The following GATM variants were observed in gnomAD, a reference collection of about 807,000 sequenced individuals.
GATM encodes glycine amidinotransferase, mitochondrial.
Under a neutral mutation model 54.2 loss-of-function variants are expected in GATM, and 23 were observed. That is an observed-to-expected ratio of 0.42 (90% CI 0.31 to 0.60). The LOEUF is 0.60. Ranked by LOEUF, GATM falls within the 20% of genes least tolerant of loss-of-function variation. The probability of loss-of-function intolerance (pLI) is 0.14; values close to 1 mark genes in which losing one functional copy is unlikely to be tolerated. For missense variants in GATM, 401 were observed against 544.9 expected (o/e 0.74, Z 2.63); for synonymous variants, 168 against 183.1 (o/e 0.92, Z 0.67).
At chr15:45,387,169 G>A (rs548560515) in intron 3 of GATM, among the ~76,000 whole-genome samples, 1 of 152,272 alleles carries the variant, frequency 6.6e-6, no homozygotes, top group East Asian at 1.9e-4. Context: ...TGCCTTTTCT[G>A]GAAAGTTATG....
At chr15:45,373,871 T>A (rs2097547230) in intron 2 of GATM, among the ~76,000 whole-genome samples, 1 of 152,024 alleles carries the variant, frequency 6.6e-6, no homozygotes, top group Non-Finnish European at 1.5e-5. Context: ...CTGTCTAGAA[T>A]CAAAGAGAGA....
chr15:45,395,728 C>T (rs985826529), intron 3 of GATM, among the ~76,000 whole-genome samples: 2 of 152,068 alleles, frequency 1.3e-5, no homozygotes, highest in South Asian at 2.1e-4. Flanking sequence ...AAATGAATGT[C>T]CTGGAGTAAA....
Position 45,369,391 on chromosome 15 carries a change from G to C in GATM, c.419C>G (p.Thr140Arg), listed in dbSNP as rs776302905. ...GTCAATGGGGTCAGGCCTCCTTACTGTCACTCCTTCCGTTTTTAAAATATT... is the reference window on the plus strand; with the variant it reads ...GTCAATGGGGTCAGGCCTCCTTACTCTCACTCCTTCCGTTTTTAAAATATT... ...MCNILKTEGV[T>R]VRRPDPIDWS... Residue 140 changes from threonine to arginine, a missense_variant, in exon 3 of 9, where the codon ACA becomes AGA. Coordinates refer to ENST00000396659, the MANE Select transcript of GATM (RefSeq NM_001482.3). The C allele has an allele frequency of 1.2e-6, 2 of 1,614,086 alleles. No individual in the cohort carries two copies. The highest frequency in any genetic ancestry group is 8.5e-7 in the Non-Finnish European group (1 of 1,179,996).
In GATM at chr15:45,368,312, CA is replaced by C. The variant is rs754755029; in HGVS notation, c.485-53del. 1.9e-6 allele frequency: 3 copies of C among 1,546,162 alleles called. No individual in the cohort carries two copies. Among genetic ancestry groups the C allele is most frequent in the Non-Finnish European group, 2.7e-6 (3 of 1,124,036 alleles). On this transcript the variant is annotated intron_variant, in intron 3 of 8. Coordinates refer to ENST00000396659, the MANE Select transcript of GATM (RefSeq NM_001482.3). This position sits in a 1 kb window ranked among gnomAD's most constrained non-coding sequence, Gnocchi z 5.1. ...ACTTCAGTAGTGTTAATTTCCAAGA[CA>C]AAAAAGGTCTATATAGGGCCAGGCA...
chr15:45,366,381 T>C lies in GATM; in HGVS notation c.803A>G (p.Gln268Arg). 1.2e-6 allele frequency: 2 copies of C among 1,614,218 alleles called. No homozygotes were observed. Among genetic ancestry groups the C allele is most frequent in the South Asian group, 1.1e-5 (1 of 91,090 alleles). ...GCAGCCTGCGTTCACCTGGCTTCTC[T>C]GTGCAAAAATATCTCTTCCAGCTCG... ...FIRAGRDIFA[Q>R]RSQVTNYLGI... The change falls in exon 5 of 9, where the codon CAG (glutamine) becomes CGG (arginine). Residue 268 changes from glutamine to arginine, a missense_variant. By Grantham distance (43) the Gln-to-Arg change is conservative. This residue lies in a region of GATM where 321 missense variants were observed against 457.5 expected (regional missense o/e 0.70). Transcript: ENST00000396659.
intron 3 of GATM, among the ~76,000 whole-genome samples, chr15:45,394,518 G>C (rs1169641455): frequency 6.6e-6 from 1 of 152,190 alleles, no homozygotes; most frequent in Non-Finnish European, 1.5e-5. Flanking sequence ...AGGAAGAATT[G>C]TTGAATTCTA....
chr15:45,377,611 GCT>G (rs972294698), intron 1 of GATM: 1 of 236,712 alleles, frequency 4.2e-6, no homozygotes, highest in African/African-American at 2.3e-5. Context: ...TCTCTATCCT[GCT>G]CTGTTAAAAG....
chr15:45,376,687 AAG>A lies in GATM; in HGVS notation c.200_201del (p.Ser67PhefsTer34). On this transcript the variant is annotated frameshift_variant, in exon 2 of 9. Coordinates refer to ENST00000396659, the MANE Select transcript of GATM (RefSeq NM_001482.3). LOFTEE classifies it high-confidence loss of function. ...TCTAAGGGGTCCCATTCGTTGTAAGAAGAGACAGGGCAGTCCTTGGGCAGAGG... is the reference window on the plus strand; with the variant it reads ...TCTAAGGGGTCCCATTCGTTGTAAGAAGACAGGGCAGTCCTTGGGCAGAGG... Reference protein sequence around the residue: ...TEPLPKDCPVSSYNEWDPLEE... With the variant: ...TEPLPKDCPVXSYNEWDPLEE... 1 of 1,614,214 alleles carries A rather than the reference AAG, an allele frequency of 6.2e-7. No homozygotes were observed. The highest frequency in any genetic ancestry group is 8.5e-7 in the Non-Finnish European group (1 of 1,180,040).
At chr15:45,395,186 C>T (rs1889915001) in intron 3 of GATM, among the ~76,000 whole-genome samples, 1 of 152,188 alleles carries the variant, frequency 6.6e-6, no homozygotes, top group African/African-American at 2.4e-5. Flanking sequence ...CAATCTCTAT[C>T]CTATCTGTAG....
intron 2 of GATM, 76 bp downstream of exon 2, chr15:45,376,525 G>T: frequency 8.0e-7 from 1 of 1,249,708 alleles, no homozygotes; most frequent in Non-Finnish European, 1.2e-6. Context: ...GTAAGCTGAA[G>T]GGAAAGCAGT....
At chr15:45,389,990 G>C (rs1889851494) in intron 3 of GATM, among the ~76,000 whole-genome samples, 1 of 151,990 alleles carries the variant, frequency 6.6e-6, no homozygotes, top group African/African-American at 2.4e-5. Flanking sequence ...CTCCCGAATA[G>C]CTGGGACTAC....
intron 2 of GATM, among the ~76,000 whole-genome samples, chr15:45,398,297 C>A (rs1181016344): frequency 2.6e-5 from 4 of 152,108 alleles, no homozygotes; most frequent in African/African-American, 9.7e-5. Flanking sequence ...GAACCAACAT[C>A]ATAGGGAAAA....
intron 3 of GATM, among the ~76,000 whole-genome samples, chr15:45,394,049 A>G (rs1889900842): frequency 6.6e-6 from 1 of 152,188 alleles, no homozygotes; most frequent in South Asian, 2.1e-4. Context: ...AACTCTTACA[A>G]TCAGGAGGGA....
At chr15:45,378,088 C>G in intron 1 of GATM, 1 of 355,346 alleles carries the variant, frequency 2.8e-6, no homozygotes, top group Admixed American at 5.0e-5. Context: ...AGGGGGGCGG[C>G]GCCCCCTGCG....
chr15:45,387,070 G>A (rs1209201353), intron 3 of GATM, among the ~76,000 whole-genome samples: 1 of 152,190 alleles, frequency 6.6e-6, no homozygotes, highest in African/African-American at 2.4e-5. Context: ...GAAATATTCA[G>A]CTATAAGATG....
exon 1 of GATM, chr15:45,402,154 G>C (rs1397384029): frequency 2.8e-5 from 14 of 492,880 alleles, no homozygotes; most frequent in African/African-American, 4.1e-5. Context: ...GTGAGCTTAA[G>C]CCGCCTCCCA....
chr15:45,389,039 T>C (rs1889838703), intron 3 of GATM, among the ~76,000 whole-genome samples: 1 of 152,248 alleles, frequency 6.6e-6, no homozygotes, highest in African/African-American at 2.4e-5. Flanking sequence ...ACAGTAACGT[T>C]TGGCAGATAT....
chr15:45,368,285 C>T lies in GATM; in HGVS notation c.485-25G>A. On this transcript the variant is annotated intron_variant, in intron 3 of 8. Coordinates refer to ENST00000396659, the MANE Select transcript of GATM (RefSeq NM_001482.3). This position sits in a 1 kb window ranked among gnomAD's most constrained non-coding sequence, Gnocchi z 5.1. ...CCTGTCAGACCAAAAAATTCCATGA[C>T]AACTTCAGTAGTGTTAATTTCCAAG... The T allele has an allele frequency of 6.2e-7, 1 of 1,605,850 alleles. No individual in the cohort carries two copies. The highest frequency in any genetic ancestry group is 8.5e-7 in the Non-Finnish European group (1 of 1,173,792).
intron 5 of GATM, 67 bp from the exon 6 acceptor site, chr15:45,366,277 T>C: frequency 6.2e-7 from 1 of 1,608,304 alleles, no homozygotes; most frequent in Middle Eastern, 1.7e-4. Context: ...CTAAAAATAT[T>C]CAAGGTGAAA....
Sources: gnomAD v4.1 joint callset for allele counts (sites outside exome capture counted in the v4.1 genomes callset) on GRCh38, gnomAD v4.1.1 for gene constraint, gnomAD v4.1.1 regional missense constraint, Gnocchi (gnomAD v3.1) non-coding constraint, MANE v1.5 for transcripts, NCBI Gene and HGNC (gene_info 2026-07-23, HGNC 2026-07-21) for gene names.